RAPH1: variants seen among roughly 807,000 people sequenced by gnomAD.
RAPH1 encodes ras-associated and pleckstrin homology domains-containing protein 1.
RAPH1 carries 18 observed loss-of-function variants against 88.1 expected under a neutral mutation model. The observed-to-expected ratio is 0.20, with a 90% CI of 0.14 to 0.30. The LOEUF is 0.30. Ranked by LOEUF, RAPH1 falls within the 10% of genes least tolerant of loss-of-function variation. RAPH1 has a pLI of 1.00. For missense variants in RAPH1, 1,448 were observed against 1,543.2 expected, an observed-to-expected ratio of 0.94 and a Z score of 1.03; for synonymous variants, 587 against 559.0, an observed-to-expected ratio of 1.05 and a Z score of -0.71.
At chr2:203,481,623 G>A (rs1279306539) in intron 4 of RAPH1, among the ~76,000 whole-genome samples, 3 of 139,736 alleles carry the variant, frequency 2.1e-5, no homozygotes, top group South Asian at 2.2e-4. Flanking sequence ...ATGGAGGCTC[G>A]CTCTGTCACC....
At chr2:203,442,459 A>C (rs1217021885) in intron 13 of RAPH1, 1 of 161,190 alleles carries the variant, frequency 6.2e-6, no homozygotes, top group East Asian at 1.8e-4. Context: ...GTGAACTAGA[A>C]GGCTCATTAT....
rs375112790 is a variant in RAPH1, at chr2:203,444,958, C to G, written c.1686G>C (p.Gln562His). Residue 562 changes from glutamine to histidine, a missense_variant, in exon 13 of 14, where the codon CAG (glutamine) becomes CAC (histidine). Coordinates refer to ENST00000319170, the MANE Select transcript of RAPH1 (RefSeq NM_213589.3). The part of the protein sequence containing the change: ...NQSDSGVSDT[Q>H]PAGHVRSQSI... ...TCTGGGAACGGACGTGTCCTGCTGG[C>G]TGGGTGTCAGAAACTCCGCTATCAG... 1 of 1,614,122 alleles carries G rather than the reference C, an allele frequency of 6.2e-7. No homozygotes were observed. The highest frequency in any genetic ancestry group is 1.6e-4 in the Middle Eastern group (1 of 6,062).
chr2:203,516,760 G>A (rs950926832), intron 1 of RAPH1, among the ~76,000 whole-genome samples: 8 of 151,716 alleles, frequency 5.3e-5, no homozygotes, highest in African/African-American at 9.7e-5. Context: ...AAGGCCAGGC[G>A]CAGTGACTCA....
At chr2:203,464,951 C>T (rs148380422) in intron 4 of RAPH1, among the ~76,000 whole-genome samples, 1 of 152,160 alleles carries the variant, frequency 6.6e-6, no homozygotes, top group African/African-American at 2.4e-5. Context: ...CCACTACACA[C>T]CTATCAGAAT....
intron 2 of RAPH1, among the ~76,000 whole-genome samples, chr2:203,492,183 G>A (rs926843285): frequency 3.4e-5 from 5 of 148,814 alleles, no homozygotes; most frequent in Admixed American, 1.4e-4. Context: ...GCAGTGAGCC[G>A]AGATCACGCC....
At chr2:203,498,266 G>A (rs552972514) in intron 1 of RAPH1, among the ~76,000 whole-genome samples, 5 of 152,208 alleles carry the variant, frequency 3.3e-5, no homozygotes, top group Non-Finnish European at 5.9e-5. Context: ...AGTATTTTAG[G>A]CAATAATACG....
rs373511866 is a variant in RAPH1, at chr2:203,441,162, C to T, written c.2028G>A (p.Ala676=). The change falls in exon 14 of 14, where the codon GCG becomes GCA. Residue 676 remains alanine, a synonymous_variant. Coordinates refer to ENST00000319170, the MANE Select transcript of RAPH1 (RefSeq NM_213589.3). ...TAAACAGGGCCCCTGAATGCTGAGA[C>T]GCATTCTGTAGCCGTGTTATTGTGC... ...KYSTITRLQN[A]SQHSGALFKP... 1.2e-5 allele frequency: 19 copies of T among 1,612,002 alleles called. No homozygotes were observed. The highest frequency in any genetic ancestry group is 5.4e-5 in the African/African-American group (4 of 74,338).
At chr2:203,449,261 A>C (rs2098512693) in intron 10 of RAPH1, among the ~76,000 whole-genome samples, 1 of 152,148 alleles carries the variant, frequency 6.6e-6, no homozygotes, top group African/African-American at 2.4e-5. Context: ...GACTTTGACA[A>C]AGCTTCAGTG....
chr2:203,441,792 T>A (rs1393864210), intron 13 of RAPH1: 1 of 1,284,366 alleles, frequency 7.8e-7, no homozygotes, highest in African/African-American at 1.6e-5. Flanking sequence ...GCACTGGACT[T>A]CCAAGGGGAG....
chr2:203,512,798 T>G (rs879296584), intron 1 of RAPH1, among the ~76,000 whole-genome samples: 2 of 151,928 alleles, frequency 1.3e-5, no homozygotes, highest in African/African-American at 4.8e-5. Context: ...TAATTTTTTG[T>G]TATTTTTTAG....
At chr2:203,501,187 G>A (rs1225829997) in intron 1 of RAPH1, among the ~76,000 whole-genome samples, 2 of 152,148 alleles carry the variant, frequency 1.3e-5, no homozygotes, top group Non-Finnish European at 2.9e-5. Flanking sequence ...GGCACAAAAA[G>A]AGGAAGAGGA....
chr2:203,470,893 A>T (rs1221113115), intron 4 of RAPH1, among the ~76,000 whole-genome samples: 1 of 152,220 alleles, frequency 6.6e-6, no homozygotes, highest in African/African-American at 2.4e-5. Context: ...TTATTATCAG[A>T]ATAAAAATAG....
At position 203,489,676 on chromosome 2, in the gene RAPH1, A is replaced by G; in HGVS notation, c.640T>C (p.Ser214Pro). 6.2e-7 allele frequency: 1 copy of G among 1,614,164 alleles called. No individual in the cohort carries two copies. Among genetic ancestry groups the G allele is most frequent in the South Asian group, 1.1e-5 (1 of 91,080 alleles). ...ISNSSHSSIT[S>P]AASSMDSLDI... ...AAAGAGTCCATGCTGGAGGCTGCGG[A>G]AGTGATGCTGGAATGGGAGGAATTA... is the stretch of plus-strand genomic sequence containing the variant. Residue 214 changes from serine to proline, a missense_variant, in exon 4 of 14, where the codon TCC becomes CCC. This residue lies in a region of RAPH1 where 513 missense variants were observed against 653.1 expected (regional missense o/e 0.79). Transcript: ENST00000319170.
intron 1 of RAPH1, among the ~76,000 whole-genome samples, chr2:203,498,607 A>T (rs1257834171): frequency 1.3e-5 from 2 of 152,328 alleles, no homozygotes; most frequent in East Asian, 3.9e-4. Flanking sequence ...TCTTACAGAT[A>T]GGGCTTCCAC....
chr2:203,527,332 G>A (rs745664379), intron 1 of RAPH1, among the ~76,000 whole-genome samples: 2 of 152,070 alleles, frequency 1.3e-5, no homozygotes, highest in Admixed American at 6.6e-5. Context: ...AGTAACATAA[G>A]TATTCTGGTA....
chr2:203,512,836 G>C (rs1689414119), intron 1 of RAPH1, among the ~76,000 whole-genome samples: 1 of 151,932 alleles, frequency 6.6e-6, no homozygotes, highest in Non-Finnish European at 1.5e-5. Context: ...GTGTTAGCCA[G>C]GATGGTCTGG....
chr2:203,441,675 G>A (rs371552181), intron 13 of RAPH1: 37 of 1,306,842 alleles, frequency 2.8e-5, no homozygotes, highest in African/African-American at 7.7e-5. Context: ...AAAAATGTCC[G>A]GCTGCAAAAG....
intron 4 of RAPH1, among the ~76,000 whole-genome samples, chr2:203,467,362 G>A (rs751914558): frequency 3.9e-5 from 6 of 151,948 alleles, no homozygotes; most frequent in South Asian, 2.1e-4. Context: ...AGGCTGAGGC[G>A]GGCAGATCAC....
At position 203,506,742 on chromosome 2, in the gene RAPH1, C is replaced by CTA. The variant is rs71007523; in HGVS notation, c.1-11391_1-11390dup. 2.9e-4 allele frequency among the ~76,000 whole-genome samples: 32 copies of CTA among 110,840 alleles called. 3 individuals are homozygous for CTA. Among genetic ancestry groups the CTA allele is most frequent in the East Asian group, 1.2e-3 (5 of 4,080 alleles). 72.7% of individuals were successfully genotyped at this position (110,840 alleles called of 152,430 possible). ...CTAAAATCCATATATAGATATATAT[C>CTA]TATATATATATATATCTATATATAT... On this transcript the variant is annotated intron_variant, in intron 1 of 13. Transcript: ENST00000319170.
Sources: gnomAD v4.1 joint callset for allele counts (sites outside exome capture counted in the v4.1 genomes callset) on GRCh38, gnomAD v4.1.1 for gene constraint, gnomAD v4.1.1 regional missense constraint, MANE v1.5 for transcripts, NCBI Gene and HGNC (gene_info 2026-07-23, HGNC 2026-07-21) for gene names.